The following SP2 variants were observed in gnomAD, a reference collection of about 807,000 sequenced individuals.
The protein encoded by SP2 is Sp2 transcription factor.
SP2 carries 9 observed loss-of-function variants against 50.1 expected under a neutral mutation model. The ratio of observed to expected loss-of-function variants is 0.18; its 90% confidence interval spans 0.11 to 0.31. SP2 has a LOEUF of 0.31. Ranked by LOEUF, SP2 falls within the 10% of genes least tolerant of loss-of-function variation. The pLI, the probability that SP2 is intolerant of heterozygous loss-of-function variation, is 1.00. For missense variants in SP2, 581 were observed against 806.5 expected, an observed-to-expected ratio of 0.72 and a Z score of 3.39; for synonymous variants, 313 against 326.6, an observed-to-expected ratio of 0.96 and a Z score of 0.45.
chr17:47,909,259 T>C (rs2034886184), intron 1 of SP2, among the ~76,000 whole-genome samples: 1 of 152,208 alleles, frequency 6.6e-6, no homozygotes, highest in Non-Finnish European at 1.5e-5. Context: ...CTTTTAGAAA[T>C]GCAATCCAAA....
intron 1 of SP2, among the ~76,000 whole-genome samples, chr17:47,897,133 T>C (rs1443180542): frequency 6.6e-6 from 1 of 152,184 alleles, no homozygotes; most frequent in Non-Finnish European, 1.5e-5. Flanking sequence ...TAAAACAAAA[T>C]AGATACTCGC....
At chr17:47,911,403 G>T (rs1241091204) in intron 1 of SP2, among the ~76,000 whole-genome samples, 1 of 151,364 alleles carries the variant, frequency 6.6e-6, no homozygotes, top group African/African-American at 2.4e-5. Context: ...AAATTAGCCG[G>T]ATGTAGTGGT....
At chr17:47,906,058 A>C (rs1301372981) in intron 1 of SP2, among the ~76,000 whole-genome samples, 1 of 152,180 alleles carries the variant, frequency 6.6e-6, no homozygotes, top group Non-Finnish European at 1.5e-5. Flanking sequence ...GAGGGGGTTA[A>C]TTAGGAGAGT....
At chr17:47,909,267 A>G (rs1054725723) in intron 1 of SP2, among the ~76,000 whole-genome samples, 12 of 152,236 alleles carry the variant, frequency 7.9e-5, no homozygotes, top group African/African-American at 2.9e-4. Flanking sequence ...AATGCAATCC[A>G]AAATTGCAGT....
In SP2 at chr17:47,928,856, A is replaced by G. The variant is rs2035756686; in HGVS notation, c.*1032A>G. 1 of 152,682 alleles carries G rather than the reference A, an allele frequency of 6.5e-6. No individual in the cohort carries two copies. Among genetic ancestry groups the G allele is most frequent in the South Asian group, 2.1e-4 (1 of 4,838 alleles). The allele number at this position is 152,682 out of a possible 1,614,324, so 9.5% of individuals were successfully genotyped here. A position where few individuals can be genotyped will look rare whatever the true frequency, so the allele number is the denominator to read the frequency against. ...TGAGGTATGTTTTATGAATTAAGTG[A>G]CAGATTTGTTATCCTTTATTAACGT... On this transcript the variant is annotated 3_prime_UTR_variant, in exon 7 of 7. Coordinates refer to ENST00000376741, the MANE Select transcript of SP2 (RefSeq NM_003110.6).
intron 1 of SP2, among the ~76,000 whole-genome samples, chr17:47,897,009 G>C (rs2034365377): frequency 6.6e-6 from 1 of 152,240 alleles, no homozygotes; most frequent in Admixed American, 6.5e-5. Context: ...AGAATTGTGA[G>C]AAGTTTGAGA....
intron 1 of SP2, among the ~76,000 whole-genome samples, chr17:47,903,916 A>C (rs1457840479): frequency 9.9e-5 from 15 of 151,692 alleles, no homozygotes; most frequent in Non-Finnish European, 2.2e-4. Flanking sequence ...GTGAGCTGAG[A>C]TTGTGCCACT....
intron 3 of SP2, among the ~76,000 whole-genome samples, chr17:47,921,867 T>C (rs2144036089): frequency 6.6e-6 from 1 of 152,280 alleles, no homozygotes; most frequent in South Asian, 2.1e-4. Flanking sequence ...CCCTTCTCAA[T>C]GGACACAGCT....
intron 6 of SP2, 136 bp from the exon 7 acceptor site, chr17:47,927,588 G>T: frequency 1.8e-6 from 1 of 561,636 alleles, no homozygotes; most frequent in Non-Finnish European, 3.3e-6. Flanking sequence ...GCAAATGTGA[G>T]AGCAGGAGGT....
At chr17:47,902,794 C>T (rs973798728) in intron 1 of SP2, among the ~76,000 whole-genome samples, 50 of 152,132 alleles carry the variant, frequency 3.3e-4, no homozygotes, top group Admixed American at 3.2e-3. Context: ...TTGCTCCTGT[C>T]ACGCAGGCTG....
intron 3 of SP2, 105 bp downstream of exon 3, chr17:47,917,235 A>G (rs2035248731): frequency 1.6e-6 from 2 of 1,236,986 alleles, no homozygotes; most frequent in Admixed American, 4.6e-5. Context: ...TGACCTTGAG[A>G]GTCAGTATCT....
chr17:47,925,649 A>G, intron 6 of SP2, 108 bp downstream of exon 6: 1 of 832,372 alleles, frequency 1.2e-6, no homozygotes, highest in Non-Finnish European at 1.9e-6. Context: ...TGGAACTGCC[A>G]CACTGAGCAA....
intron 4 of SP2, among the ~76,000 whole-genome samples, chr17:47,924,202 A>T (rs1053705609): frequency 2.0e-5 from 3 of 151,960 alleles, no homozygotes; most frequent in African/African-American, 7.3e-5. Context: ...CAGTGGCACG[A>T]TCATGACAAT....
rs567719472 is a variant in SP2 at position 47,926,317 on chromosome 17, T to TG, written c.1741+776_1741+777insG. Among the ~76,000 whole-genome samples, 708 of 147,064 alleles carry TG rather than the reference T, an allele frequency of 4.8e-3. 5 individuals are homozygous for TG. Among genetic ancestry groups the TG allele is most frequent in the African/African-American group, 0.014 (570 of 40,310 alleles). On this transcript the variant is annotated intron_variant, in intron 6 of 6. Transcript: ENST00000376741. ...CCCAGGCCCTGCCATGGCTTTTTGT[T>TG]TTTTTTTTTTTTTAAGACAGGGTCT...
chr17:47,921,703 A>C (rs573242598), intron 3 of SP2, among the ~76,000 whole-genome samples: 2 of 152,258 alleles, frequency 1.3e-5, no homozygotes, highest in South Asian at 4.1e-4. Flanking sequence ...TTCTGGTGCA[A>C]GTGTTCCAAG....
intron 1 of SP2, among the ~76,000 whole-genome samples, chr17:47,910,240 T>C (rs185774101): frequency 1.7e-4 from 26 of 152,254 alleles, no homozygotes; most frequent in Non-Finnish European, 2.6e-4. Flanking sequence ...ACAAAACCAA[T>C]TTAGTGGGTC....
chr17:47,921,415 A>T (rs1341153224), intron 3 of SP2, among the ~76,000 whole-genome samples: 6 of 151,362 alleles, frequency 4.0e-5, no homozygotes, highest in Non-Finnish European at 5.9e-5. Context: ...CTCCCGGCTA[A>T]TTTTTTTTGT....
chr17:47,916,440 G>A lies in SP2; in HGVS notation c.369G>A (p.Gly123=). The part of the protein sequence containing the change: ...AIQNPTMINK[G]TRSNANIQYQ... ...AGAATCCCACCATGATCAACAAAGG[G>A]ACCCGATCAAATGCCAATATCCAGT... Residue 123 remains glycine (G), a synonymous_variant, in exon 3 of 7, where the codon GGG becomes GGA. Coordinates refer to ENST00000376741, the MANE Select transcript of SP2 (RefSeq NM_003110.6). This position sits in a 1 kb window ranked among gnomAD's most constrained non-coding sequence, Gnocchi z 4.7. 6.2e-7 allele frequency: 1 copy of A among 1,614,084 alleles called. No individual in the cohort carries two copies.
At chr17:47,929,032 C>A (rs550463376), downstream of SP2, 1 of 152,584 alleles carries the variant, frequency 6.6e-6, no homozygotes, top group Non-Finnish European at 1.5e-5. Flanking sequence ...GAGCTGTGGT[C>A]TCTCAGAGCG....
Sources: allele counts gnomAD v4.1 joint callset (sites outside exome capture counted in the v4.1 genomes callset), GRCh38; gene constraint gnomAD v4.1.1; non-coding constraint Gnocchi (gnomAD v3.1); transcripts MANE v1.5; gene names NCBI Gene and HGNC (gene_info 2026-07-23, HGNC 2026-07-21).